PPP1R16B: variants seen among roughly 807,000 people sequenced by gnomAD.
PPP1R16B encodes the protein protein phosphatase 1 regulatory subunit 16B.
PPP1R16B carries 14 observed loss-of-function variants against 61.7 expected under a neutral mutation model. That is an observed-to-expected ratio of 0.23 (90% CI 0.15 to 0.35). PPP1R16B has a LOEUF of 0.35. Ranked by LOEUF, PPP1R16B falls within the 10% of genes least tolerant of loss-of-function variation. The pLI is 1.00. For synonymous variants in PPP1R16B, 266 were observed against 305.3 expected, an observed-to-expected ratio of 0.87 and a Z score of 1.34; for missense variants, 547 against 752.5, an observed-to-expected ratio of 0.73 and a Z score of 3.19.
chr20:38,890,896 G>A (rs560447994), intron 3 of PPP1R16B, among the ~76,000 whole-genome samples: 5 of 152,272 alleles, frequency 3.3e-5, no homozygotes, highest in South Asian at 2.1e-4. Flanking sequence ...CGCCCTGCCC[G>A]TAAGCCCCAG....
At chr20:38,861,852 T>A (rs531168519) in intron 2 of PPP1R16B, among the ~76,000 whole-genome samples, 1 of 151,764 alleles carries the variant, frequency 6.6e-6, no homozygotes, top group South Asian at 2.1e-4. Context: ...AATTTTTGTA[T>A]TTTTAGTAGA....
chr20:38,857,077 T>A (rs910144795), intron 2 of PPP1R16B, among the ~76,000 whole-genome samples: 1 of 152,156 alleles, frequency 6.6e-6, no homozygotes, highest in African/African-American at 2.4e-5. Context: ...GCCCGTGAGG[T>A]CTGTTGGATA....
intron 2 of PPP1R16B, among the ~76,000 whole-genome samples, chr20:38,855,012 AG>A (rs2084994840): frequency 6.6e-6 from 1 of 152,154 alleles, no homozygotes. Flanking sequence ...ACTTTTTTGC[AG>A]CAATTTTCAT....
intron 2 of PPP1R16B, among the ~76,000 whole-genome samples, chr20:38,880,255 T>C (rs963521481): frequency 6.6e-6 from 1 of 151,720 alleles, no homozygotes; most frequent in Non-Finnish European, 1.5e-5. Flanking sequence ...ACAGCAGTCA[T>C]ATGAGAAGGG....
At chr20:38,888,876 AAC>A (rs1181903301) in intron 2 of PPP1R16B, among the ~76,000 whole-genome samples, 20,394 of 111,914 alleles carry the variant, frequency 0.18, 1,706 homozygotes, top group East Asian at 0.32. Flanking sequence ...AGAATCCCTG[AAC>A]ACACACACAC....
At chr20:38,814,345 A>G (rs2084721519) in intron 1 of PPP1R16B, among the ~76,000 whole-genome samples, 1 of 151,942 alleles carries the variant, frequency 6.6e-6, no homozygotes. Flanking sequence ...CTTCCTTCAG[A>G]GGGGGGAAGG....
At chr20:38,852,887 T>A (rs2084979246) in intron 2 of PPP1R16B, among the ~76,000 whole-genome samples, 1 of 151,492 alleles carries the variant, frequency 6.6e-6, no homozygotes, top group Non-Finnish European at 1.5e-5. Flanking sequence ...GATTTTCCTG[T>A]CTCCGTCTCC....
intron 2 of PPP1R16B, among the ~76,000 whole-genome samples, chr20:38,886,620 C>T (rs2085247171): frequency 2.0e-5 from 3 of 152,238 alleles, no homozygotes; most frequent in Admixed American, 2.0e-4. Context: ...AGTGGCTTTG[C>T]CATAATCTCC....
intron 2 of PPP1R16B, among the ~76,000 whole-genome samples, chr20:38,860,066 C>T (rs944366509): frequency 2.0e-5 from 3 of 152,160 alleles, no homozygotes; most frequent in Admixed American, 2.0e-4. Context: ...CTCCACCTTC[C>T]GAGTTCAAGT....
chr20:38,883,115 T>C (rs1215658221), intron 2 of PPP1R16B, among the ~76,000 whole-genome samples: 1 of 152,038 alleles, frequency 6.6e-6, no homozygotes, highest in Non-Finnish European at 1.5e-5. Context: ...GCCTTGTGAG[T>C]GAACCTGACC....
At chr20:38,827,063 C>T (rs1358881936) in intron 1 of PPP1R16B, among the ~76,000 whole-genome samples, 1 of 152,108 alleles carries the variant, frequency 6.6e-6, no homozygotes, top group Non-Finnish European at 1.5e-5. Context: ...GATCCTCCCA[C>T]CTCAGCCTCC....
intron 5 of PPP1R16B, among the ~76,000 whole-genome samples, 183 bp from the exon 6 acceptor site, chr20:38,902,485 C>T (rs2085402588): frequency 6.6e-6 from 1 of 152,228 alleles, no homozygotes; most frequent in South Asian, 2.1e-4. Flanking sequence ...AATGCCCTTG[C>T]TCTGTGGGCC....
At chr20:38,896,142 TC>T (rs1410428494) in intron 4 of PPP1R16B, among the ~76,000 whole-genome samples, 5 of 87,946 alleles carry the variant, frequency 5.7e-5, no homozygotes, top group Non-Finnish European at 1.1e-4. Flanking sequence ...CTCCCTCCTT[TC>T]CTTCTTTCTT....
intron 2 of PPP1R16B, among the ~76,000 whole-genome samples, chr20:38,855,834 G>T (rs1341973986): frequency 6.8e-6 from 1 of 147,646 alleles, no homozygotes; most frequent in Non-Finnish European, 1.5e-5. Flanking sequence ...CAGACTAAAG[G>T]CCTCAAAGAT....
At chr20:38,832,606 G>C (rs748213984) in intron 1 of PPP1R16B, among the ~76,000 whole-genome samples, 97 of 152,288 alleles carry the variant, frequency 6.4e-4, no homozygotes, top group Middle Eastern at 6.8e-3. Flanking sequence ...CTGGAGAACA[G>C]TTGGGCAGTT....
chr20:38,904,261 T>C (rs776971169), intron 6 of PPP1R16B, among the ~76,000 whole-genome samples: 8 of 152,302 alleles, frequency 5.3e-5, no homozygotes, highest in Non-Finnish European at 1.0e-4. Context: ...GGGGCTGTCA[T>C]TGGGTCCTCT....
intron 10 of PPP1R16B, among the ~76,000 whole-genome samples, chr20:38,915,956 C>T (rs2085534083): frequency 6.6e-6 from 1 of 151,588 alleles, no homozygotes; most frequent in Non-Finnish European, 1.5e-5. Context: ...TTAACAATAT[C>T]CCTAGGCAAC....
At chr20:38,823,391 A>G (rs1475997137) in intron 1 of PPP1R16B, among the ~76,000 whole-genome samples, 3 of 152,252 alleles carry the variant, frequency 2.0e-5, no homozygotes, top group African/African-American at 7.2e-5. Context: ...CTGTAATCCC[A>G]GCACTTTGGG....
intron 2 of PPP1R16B, among the ~76,000 whole-genome samples, chr20:38,841,548 T>C (rs1234030006): frequency 6.6e-6 from 1 of 151,918 alleles, no homozygotes; most frequent in African/African-American, 2.4e-5. Context: ...AGAAAGCCTT[T>C]TCATCATCCC....
Sources: allele counts gnomAD v4.1 joint callset (sites outside exome capture counted in the v4.1 genomes callset), GRCh38; gene constraint gnomAD v4.1.1; transcripts MANE v1.5; gene names NCBI Gene and HGNC (gene_info 2026-07-23, HGNC 2026-07-21).